The following BEND6 variants were observed in gnomAD, a reference collection of about 807,000 sequenced individuals.
The protein encoded by BEND6 is BEN domain containing 6.
BEND6 carries 24 observed loss-of-function variants against 31.8 expected under a neutral mutation model. The ratio of observed to expected loss-of-function variants is 0.75; its 90% CI spans 0.55 to 1.06. BEND6 has a LOEUF of 1.06. Among genes scored for constraint, BEND6 ranks in the 50% least tolerant of loss-of-function variants. The pLI, the probability that BEND6 is intolerant of heterozygous loss-of-function variation, is 0.00. For synonymous variants in BEND6, 109 were observed against 114.6 expected, an observed-to-expected ratio of 0.95 and a Z score of 0.31; for missense variants, 294 against 327.4, an observed-to-expected ratio of 0.90 and a Z score of 0.79.
chr6:57,020,673 C>T (rs1170171178), intron 6 of BEND6, among the ~76,000 whole-genome samples: 2 of 152,038 alleles, frequency 1.3e-5, no homozygotes, highest in African/African-American at 4.8e-5. Context: ...CTGCCCACCT[C>T]GGCCTCCCAA....
intron 3 of BEND6, among the ~76,000 whole-genome samples, chr6:57,005,468 G>T (rs1827122180): frequency 6.6e-6 from 1 of 152,054 alleles, no homozygotes; most frequent in African/African-American, 2.4e-5. Flanking sequence ...CTGAGGTCAA[G>T]AGTTGGAGAC....
intron 3 of BEND6, among the ~76,000 whole-genome samples, chr6:56,998,862 A>C (rs1826824104): frequency 6.6e-6 from 1 of 152,220 alleles, no homozygotes; most frequent in Non-Finnish European, 1.5e-5. Flanking sequence ...CAACCTCTGA[A>C]ATGGAGAAAA....
chr6:57,022,150 CT>C lies in BEND6; in HGVS notation c.*9+3600del, dbSNP rs1383436085. 3.7e-5 allele frequency among the ~76,000 whole-genome samples: 4 copies of C among 109,138 alleles called. No individual in the cohort carries two copies. In the East Asian group the frequency reaches 6.3e-4, roughly 17 times the overall value. The allele number at this position is 109,138 out of a possible 152,430, so 71.6% of individuals were successfully genotyped here. A position where few individuals can be genotyped will look rare whatever the true frequency, so the allele number is the denominator to read the frequency against. On this transcript the variant is annotated intron_variant, in intron 6 of 6. Coordinates refer to ENST00000370746, the MANE Select transcript of BEND6 (RefSeq NM_152731.3). The stretch of plus-strand genomic sequence containing the variant: ...AAGTATTCCCTCCTCTTCAATTTTT[CT>C]TTTTTTCTTTTTCTTTTTTTTTTTT...
At chr6:57,019,116 T>C (rs913912754) in intron 6 of BEND6, among the ~76,000 whole-genome samples, 31 of 152,220 alleles carry the variant, frequency 2.0e-4, no homozygotes, top group African/African-American at 7.2e-4. Context: ...TCTTTAAATT[T>C]TTAAATTAGT....
chr6:57,015,026 A>AAC (rs71675764), intron 3 of BEND6, 107 bp from the exon 4 acceptor site: 57,248 of 794,754 alleles, frequency 0.072, 3,317 homozygotes, highest in African/African-American at 0.22. Flanking sequence ...AGCAAATGTT[A>AAC]AGTTTGTTCT....
chr6:57,007,629 C>CA (rs1419680194), intron 3 of BEND6, among the ~76,000 whole-genome samples: 41 of 151,970 alleles, frequency 2.7e-4, no homozygotes, highest in African/African-American at 9.7e-4. Flanking sequence ...CTACAAAAAA[C>CA]AAATTTTTTT....
At chr6:56,992,700 T>A (rs558354405) in intron 3 of BEND6, 145 bp downstream of exon 3, 2 of 947,858 alleles carry the variant, frequency 2.1e-6, no homozygotes, top group Admixed American at 5.5e-5. Context: ...AAATCACTGA[T>A]TATATAATTT....
At chr6:57,019,606 C>G (rs565079330) in intron 6 of BEND6, among the ~76,000 whole-genome samples, 6 of 152,202 alleles carry the variant, frequency 3.9e-5, no homozygotes, top group Non-Finnish European at 7.3e-5. Context: ...CTACATGTTA[C>G]TGACTACCAC....
At chr6:56,960,266 G>A (rs957486202) in intron 1 of BEND6, among the ~76,000 whole-genome samples, 4 of 150,868 alleles carry the variant, frequency 2.7e-5, no homozygotes, top group South Asian at 4.2e-4. Flanking sequence ...GAGCAATATC[G>A]TTCATTATTA....
At chr6:57,005,666 C>G (rs570959121) in intron 3 of BEND6, among the ~76,000 whole-genome samples, 25 of 146,310 alleles carry the variant, frequency 1.7e-4, no homozygotes, top group African/African-American at 6.4e-4. Context: ...GGCGACAGAG[C>G]GAGACTCCAT....
chr6:56,990,650 C>T (rs1357703245), intron 2 of BEND6, among the ~76,000 whole-genome samples: 3 of 152,010 alleles, frequency 2.0e-5, no homozygotes, highest in Non-Finnish European at 4.4e-5. Context: ...GAGGAAACAC[C>T]CTGCTGCTTA....
chr6:56,986,232 A>G (rs1826268032), intron 2 of BEND6, among the ~76,000 whole-genome samples: 1 of 152,296 alleles, frequency 6.6e-6, no homozygotes, highest in South Asian at 2.1e-4. Context: ...AAACACATAT[A>G]TAACAATGAA....
chr6:56,996,017 C>T (rs1826695465), intron 3 of BEND6, among the ~76,000 whole-genome samples: 1 of 152,162 alleles, frequency 6.6e-6, no homozygotes, highest in Non-Finnish European at 1.5e-5. Context: ...GCTGGTCTTT[C>T]CATCTTATTC....
At chr6:56,982,493 T>C (rs558456723) in intron 2 of BEND6, among the ~76,000 whole-genome samples, 1 of 152,304 alleles carries the variant, frequency 6.6e-6, no homozygotes, top group Non-Finnish European at 1.5e-5. Flanking sequence ...CATTTGTTCC[T>C]TTTAAATCTG....
intron 1 of BEND6, among the ~76,000 whole-genome samples, chr6:56,981,477 A>G (rs1201197619): frequency 6.6e-6 from 1 of 152,224 alleles, no homozygotes; most frequent in Non-Finnish European, 1.5e-5. Flanking sequence ...GTGTTACAAT[A>G]TTTGATTTTG....
chr6:57,003,668 C>A (rs1310557677), intron 3 of BEND6, among the ~76,000 whole-genome samples: 2 of 152,096 alleles, frequency 1.3e-5, no homozygotes, highest in Non-Finnish European at 2.9e-5. Flanking sequence ...GACTCCTCTC[C>A]AGCTCATTCC....
intron 6 of BEND6, among the ~76,000 whole-genome samples, chr6:57,024,034 G>T (rs191572949): frequency 3.4e-4 from 52 of 152,286 alleles, no homozygotes; most frequent in African/African-American, 1.2e-3. Flanking sequence ...GTTTTTAAAA[G>T]ATGACGATTT....
At chr6:56,993,172 C>G (rs1826573504) in intron 3 of BEND6, among the ~76,000 whole-genome samples, 1 of 152,136 alleles carries the variant, frequency 6.6e-6, no homozygotes, top group Admixed American at 6.5e-5. Context: ...AACTACTTGG[C>G]TTAATGCCTT....
intron 1 of BEND6, among the ~76,000 whole-genome samples, chr6:56,965,700 A>ATG (rs1404699528): frequency 7.0e-6 from 1 of 142,660 alleles, no homozygotes; most frequent in Non-Finnish European, 1.5e-5. Context: ...ATATATATAT[A>ATG]TATGCGATAT....
Sources: gnomAD v4.1 joint callset for allele counts (sites outside exome capture counted in the v4.1 genomes callset) on GRCh38, gnomAD v4.1.1 for gene constraint, MANE v1.5 for transcripts, NCBI Gene and HGNC (gene_info 2026-07-23, HGNC 2026-07-21) for gene names.